UBE2H: variants seen among roughly 807,000 people sequenced by gnomAD.
UBE2H encodes ubiquitin-conjugating enzyme E2 H.
Under a neutral mutation model 29.0 loss-of-function variants are expected in UBE2H, and 3 were observed. The observed-to-expected ratio is 0.10, with a 90% CI of 0.05 to 0.27. UBE2H has a LOEUF of 0.27. Ranked by LOEUF, UBE2H falls within the 10% of genes least tolerant of loss-of-function variation. The pLI is 1.00. For missense variants in UBE2H, 68 were observed against 228.2 expected (o/e 0.30, Z 4.52); for synonymous variants, 69 against 82.9 (o/e 0.83, Z 0.91).
At chr7:129,865,181 T>C (rs1274652891) in intron 3 of UBE2H, 4 of 333,648 alleles carry the variant, frequency 1.2e-5, no homozygotes, top group East Asian at 1.5e-4. Context: ...TCCACTCCAA[T>C]ACTCAACTGC....
chr7:129,933,315 A>G (rs1807446696), intron 1 of UBE2H, among the ~76,000 whole-genome samples: 1 of 152,216 alleles, frequency 6.6e-6, no homozygotes, highest in Non-Finnish European at 1.5e-5. Context: ...ATATTAAGGA[A>G]AACCCCTTTT....
intron 1 of UBE2H, among the ~76,000 whole-genome samples, chr7:129,893,292 G>A (rs1806538509): frequency 6.6e-6 from 1 of 152,034 alleles, no homozygotes; most frequent in Non-Finnish European, 1.5e-5. Context: ...TACTTAAATA[G>A]GAAAATCATC....
At chr7:129,912,392 C>CT (rs1356140725) in intron 1 of UBE2H, among the ~76,000 whole-genome samples, 1 of 152,032 alleles carries the variant, frequency 6.6e-6, no homozygotes, top group African/African-American at 2.4e-5. Flanking sequence ...ACATTTCTTT[C>CT]TTTTTAAAGA....
intron 3 of UBE2H, among the ~76,000 whole-genome samples, chr7:129,871,959 T>A (rs1806044619): frequency 2.0e-5 from 3 of 151,906 alleles, no homozygotes; most frequent in African/African-American, 4.8e-5. Context: ...TAATTCTCCT[T>A]CCTCCGTCTC....
chr7:129,858,696 GA>G (rs1454131397), intron 4 of UBE2H, among the ~76,000 whole-genome samples: 1 of 152,072 alleles, frequency 6.6e-6, no homozygotes, highest in Non-Finnish European at 1.5e-5. Context: ...CACGACAATG[GA>G]AAAAAATAAG....
At chr7:129,871,647 G>A (rs1806035448) in intron 3 of UBE2H, among the ~76,000 whole-genome samples, 1 of 151,008 alleles carries the variant, frequency 6.6e-6, no homozygotes, top group Admixed American at 6.6e-5. Flanking sequence ...CCGGGGGGCA[G>A]AGGTTGCAGT....
intron 1 of UBE2H, among the ~76,000 whole-genome samples, chr7:129,917,630 C>G (rs1342320036): frequency 6.6e-6 from 1 of 152,140 alleles, no homozygotes; most frequent in African/African-American, 2.4e-5. Flanking sequence ...AAAAGGTCTC[C>G]CTGGACTAAA....
chr7:129,901,891 G>A (rs1053590343), intron 1 of UBE2H, among the ~76,000 whole-genome samples: 5 of 152,196 alleles, frequency 3.3e-5, no homozygotes, highest in South Asian at 2.1e-4. Context: ...CACTGCACCC[G>A]GCTGATGACA....
intron 3 of UBE2H, among the ~76,000 whole-genome samples, chr7:129,866,849 C>T (rs1805913223): frequency 6.6e-6 from 1 of 151,796 alleles, no homozygotes; most frequent in South Asian, 2.1e-4. Context: ...ATTCCTAAAA[C>T]TAGGTTAAAT....
At chr7:129,901,035 C>A (rs1405727111) in intron 1 of UBE2H, among the ~76,000 whole-genome samples, 1 of 152,102 alleles carries the variant, frequency 6.6e-6, no homozygotes, top group East Asian at 1.9e-4. Flanking sequence ...ACAGGCGTGA[C>A]TCACCGTACC....
chr7:129,892,116 C>T lies in UBE2H; in HGVS notation c.54-11145G>A, dbSNP rs2116401173. ...TACAGGCGCCCGCCACCAGGCCAAG[C>T]TAATTTTTTGTATTTTTGGTAGAGA... On this transcript the variant is annotated intron_variant, in intron 1 of 6. Coordinates refer to ENST00000355621, the MANE Select transcript of UBE2H (RefSeq NM_003344.4). Among the ~76,000 whole-genome samples the T allele has an allele frequency of 1.3e-5, 2 of 152,100 alleles. 1 individual carries two copies. Among genetic ancestry groups the T allele is most frequent in the Admixed American group, 1.3e-4 (2 of 15,278 alleles).
chr7:129,835,680 TG>T (rs1245683901), intron 6 of UBE2H, among the ~76,000 whole-genome samples: 1 of 152,182 alleles, frequency 6.6e-6, no homozygotes, highest in Non-Finnish European at 1.5e-5. Context: ...ACAGCCTTGG[TG>T]GAACCCTAGG....
At chr7:129,948,427 T>C (rs1807807830) in intron 1 of UBE2H, among the ~76,000 whole-genome samples, 1 of 152,254 alleles carries the variant, frequency 6.6e-6, no homozygotes, top group Admixed American at 6.5e-5. Context: ...ACACCGTCCC[T>C]TTCTATCACA....
chr7:129,932,486 G>A (rs1422013759), intron 1 of UBE2H, among the ~76,000 whole-genome samples: 1 of 151,916 alleles, frequency 6.6e-6, no homozygotes, highest in African/African-American at 2.4e-5. Flanking sequence ...CTGGCCATTT[G>A]GAAAACAGTT....
chr7:129,885,062 TAAAAA>T lies in UBE2H; in HGVS notation c.54-4096_54-4092del, dbSNP rs35043856. Reference sequence around the variant, plus strand: ...AGCCTGAGAGAGAGAGAACTTCTCTTAAAAAAAAAAAAAGGCAAAAAACACAAACC... The same window carrying T: ...AGCCTGAGAGAGAGAGAACTTCTCTTAAAAAAAAGGCAAAAAACACAAACC... On this transcript the variant is annotated intron_variant, in intron 1 of 6. Coordinates refer to ENST00000355621, the MANE Select transcript of UBE2H (RefSeq NM_003344.4). Among the ~76,000 whole-genome samples the T allele has an allele frequency of 7.0e-5, 10 of 143,522 alleles. No individual in the cohort carries two copies. The South Asian group carries it at 1.3e-3, about 19-fold the overall frequency. The allele number at this position is 143,522 out of a possible 152,430, so 94.2% of individuals were successfully genotyped here. A position where few individuals can be genotyped will look rare whatever the true frequency, so the allele number is the denominator to read the frequency against.
intron 1 of UBE2H, among the ~76,000 whole-genome samples, chr7:129,949,679 CG>C (rs1807834829): frequency 6.6e-6 from 1 of 152,172 alleles, no homozygotes; most frequent in South Asian, 2.1e-4. Flanking sequence ...CAACCAGAGA[CG>C]GTGTCTCCAA....
intron 1 of UBE2H, among the ~76,000 whole-genome samples, chr7:129,919,110 A>G (rs1807104064): frequency 6.6e-6 from 1 of 150,750 alleles, no homozygotes; most frequent in African/African-American, 2.4e-5. Context: ...TAAAAAAAAA[A>G]AAAAAAAAAA....
At chr7:129,867,699 T>TAAAAAAAAAAAAAAAAAAAAAAAAAAA (rs59742626) in intron 3 of UBE2H, among the ~76,000 whole-genome samples, 1 of 29,644 alleles carries the variant, frequency 3.4e-5, no homozygotes, top group Non-Finnish European at 5.8e-5. Context: ...TAGAGTATAA[T>TAAAAAAAAAAAAAAAAAAAAAAAAAAA]AAAAAAAAAA....
chr7:129,835,171 A>AG (rs1805299142), intron 6 of UBE2H, 110 bp from the exon 7 acceptor site: 2 of 1,453,166 alleles, frequency 1.4e-6, no homozygotes, highest in East Asian at 2.3e-5. Context: ...CTTGAACACC[A>AG]GGGGGGACAA....
Sources: gnomAD v4.1 joint callset for allele counts (sites outside exome capture counted in the v4.1 genomes callset) on GRCh38, gnomAD v4.1.1 for gene constraint, MANE v1.5 for transcripts, NCBI Gene and HGNC (gene_info 2026-07-23, HGNC 2026-07-21) for gene names.